Variants in INPP4A observed in about 807,000 individuals in gnomAD.
The protein encoded by INPP4A is inositol polyphosphate-4-phosphatase, type I, 107kD.
Under a neutral mutation model 119.8 loss-of-function variants are expected in INPP4A, and 33 were observed. The ratio of observed to expected loss-of-function variants is 0.28; its 90% CI spans 0.21 to 0.37. The LOEUF (loss-of-function observed/expected upper bound fraction) is 0.37. INPP4A is among the 10% of genes least tolerant of loss of function. INPP4A has a pLI of 1.00. For synonymous variants in INPP4A, 496 were observed against 500.7 expected (o/e 0.99, Z 0.12); for missense variants, 956 against 1,289.9 (o/e 0.74, Z 3.97).
chr2:98,489,086 G>A (rs1395112896), intron 1 of INPP4A, among the ~76,000 whole-genome samples: 1 of 151,868 alleles, frequency 6.6e-6, no homozygotes, highest in East Asian at 1.9e-4. Flanking sequence ...AAAAGAGGGT[G>A]ACAAAAGCAG....
At chr2:98,476,617 C>T (rs1267657450) in intron 1 of INPP4A, among the ~76,000 whole-genome samples, 4 of 152,138 alleles carry the variant, frequency 2.6e-5, no homozygotes, top group African/African-American at 7.2e-5. Context: ...GAGACCTCTC[C>T]TGGCTCAGAG....
At chr2:98,476,575 G>T (rs1677264974) in intron 1 of INPP4A, among the ~76,000 whole-genome samples, 1 of 152,156 alleles carries the variant, frequency 6.6e-6, no homozygotes, top group South Asian at 2.1e-4. Context: ...GTGTGGGGAG[G>T]AGCCCTGCTT....
At chr2:98,465,232 G>A (rs1674495093) in intron 1 of INPP4A, among the ~76,000 whole-genome samples, 2 of 152,164 alleles carry the variant, frequency 1.3e-5, no homozygotes, top group Admixed American at 1.3e-4. Flanking sequence ...GTAGCTTAGG[G>A]CGGAATCCAT....
intron 10 of INPP4A, among the ~76,000 whole-genome samples, chr2:98,543,632 T>G (rs1180187650): frequency 1.3e-5 from 2 of 152,172 alleles, no homozygotes; most frequent in Non-Finnish European, 2.9e-5. Flanking sequence ...AACATTAGAC[T>G]AAATTCCCGT....
intron 1 of INPP4A, among the ~76,000 whole-genome samples, chr2:98,454,956 C>G (rs1347018964): frequency 6.6e-6 from 1 of 152,110 alleles, no homozygotes; most frequent in African/African-American, 2.4e-5. Context: ...GTTAAATGAT[C>G]ACATTACATA....
intron 24 of INPP4A, among the ~76,000 whole-genome samples, chr2:98,582,473 C>T (rs903190224): frequency 3.4e-5 from 5 of 149,220 alleles, no homozygotes; most frequent in Admixed American, 6.7e-5. Flanking sequence ...CTACTGCATA[C>T]GCCAGACACA....
intron 1 of INPP4A, among the ~76,000 whole-genome samples, chr2:98,494,220 G>A (rs1197458812): frequency 6.6e-6 from 1 of 152,178 alleles, no homozygotes; most frequent in South Asian, 2.1e-4. Context: ...CAGGCTGTCA[G>A]CATCCCCCTA....
At chr2:98,506,691 G>A (rs1280002568) in intron 1 of INPP4A, among the ~76,000 whole-genome samples, 1 of 152,176 alleles carries the variant, frequency 6.6e-6, no homozygotes, top group African/African-American at 2.4e-5. Context: ...GCTTGCATTG[G>A]CAGCAGACAC....
At position 98,460,240 on chromosome 2, in the gene INPP4A, C is replaced by G. The variant is rs552051502; in HGVS notation, c.-166+15155C>G. 1.0e-3 allele frequency among the ~76,000 whole-genome samples: 154 copies of G among 152,044 alleles called. 1 individual carries two copies. In the South Asian group the frequency reaches 0.031, roughly 30 times the overall value. On this transcript the variant is annotated intron_variant, in intron 1 of 24. Coordinates refer to ENST00000409851, the MANE Select transcript of INPP4A (RefSeq NM_001134225.2). ...GAGAAGCCTAGTAGGGTAGGGGCAC[C>G]CAGGAAAGGTGGCCTCTTCCTCTTG...
chr2:98,582,570 A>G (rs911399342), intron 24 of INPP4A, among the ~76,000 whole-genome samples: 3 of 151,988 alleles, frequency 2.0e-5, no homozygotes, highest in African/African-American at 7.3e-5. Context: ...TCCATACGCC[A>G]GACACAGAAA....
intron 10 of INPP4A, among the ~76,000 whole-genome samples, chr2:98,543,402 A>C (rs1196216604): frequency 6.6e-6 from 1 of 152,116 alleles, no homozygotes; most frequent in African/African-American, 2.4e-5. Flanking sequence ...CGCTGTCCTG[A>C]TAGCCTCCTA....
chr2:98,447,765 A>G (rs748704917), intron 1 of INPP4A, among the ~76,000 whole-genome samples: 16 of 152,264 alleles, frequency 1.1e-4, no homozygotes, highest in South Asian at 6.2e-4. Flanking sequence ...GTATTTCCCA[A>G]AAAACAAGGA....
At chr2:98,454,445 G>C (rs1695755011) in intron 1 of INPP4A, among the ~76,000 whole-genome samples, 1 of 152,164 alleles carries the variant, frequency 6.6e-6, no homozygotes, top group African/African-American at 2.4e-5. Flanking sequence ...ACCCAAGTCA[G>C]CTTTCTCATC....
intron 16 of INPP4A, among the ~76,000 whole-genome samples, chr2:98,557,305 A>G (rs910533640): frequency 1.3e-5 from 2 of 152,244 alleles, no homozygotes; most frequent in African/African-American, 4.8e-5. Flanking sequence ...GAGAGAGTCT[A>G]ACTCTGCTGA....
At position 98,567,969 on chromosome 2, in the gene INPP4A, A is replaced by G. The variant is rs543042787; in HGVS notation, c.2421-602A>G. Among the ~76,000 whole-genome samples, 7 of 152,308 alleles carry G rather than the reference A, an allele frequency of 4.6e-5. No homozygotes were observed. The East Asian group carries it at 1.4e-3, about 29-fold the overall frequency. ...CTGGGGCCCAGGACCTGGACTTCAG[A>G]GCCTGCATTTCCTAATGATCACCTT... On this transcript the variant is annotated intron_variant, in intron 21 of 24. Coordinates refer to ENST00000409851, the MANE Select transcript of INPP4A (RefSeq NM_001134225.2).
At chr2:98,474,066 G>A (rs1461219387) in intron 1 of INPP4A, among the ~76,000 whole-genome samples, 4 of 152,178 alleles carry the variant, frequency 2.6e-5, no homozygotes, top group South Asian at 4.1e-4. Context: ...AGACATGGAC[G>A]TTTTCATACC....
chr2:98,578,087 C>T (rs1272217577), intron 24 of INPP4A, among the ~76,000 whole-genome samples: 2 of 152,174 alleles, frequency 1.3e-5, no homozygotes, highest in Non-Finnish European at 1.5e-5. Context: ...CGTTTTGTCC[C>T]GTTTTGTCTT....
chr2:98,448,471 C>T (rs1044834327), intron 1 of INPP4A, among the ~76,000 whole-genome samples: 2 of 151,848 alleles, frequency 1.3e-5, no homozygotes, highest in African/African-American at 2.4e-5. Flanking sequence ...AAAAGAAAAT[C>T]CTAGATCATC....
At chr2:98,485,566 C>G (rs1679375853) in intron 1 of INPP4A, among the ~76,000 whole-genome samples, 1 of 152,196 alleles carries the variant, frequency 6.6e-6, no homozygotes, top group Admixed American at 6.5e-5. Context: ...GGTTGTCCCT[C>G]CGAGACTCAG....
Sources: gnomAD v4.1 joint callset for allele counts (sites outside exome capture counted in the v4.1 genomes callset) on GRCh38, gnomAD v4.1.1 for gene constraint, MANE v1.5 for transcripts, NCBI Gene and HGNC (gene_info 2026-07-23, HGNC 2026-07-21) for gene names.